The following SSBP3 variants were observed in gnomAD, a reference collection of about 807,000 sequenced individuals.
SSBP3 encodes the protein single stranded DNA binding protein 3.
A neutral mutation model predicts 69.6 loss-of-function variants in SSBP3; 5 were observed. That is an observed-to-expected ratio of 0.07 (90% CI 0.04 to 0.15). The LOEUF (loss-of-function observed/expected upper bound fraction) is 0.15. Among genes scored for constraint, SSBP3 ranks in the 10% least tolerant of loss-of-function variants. The probability of loss-of-function intolerance (pLI) is 1.00; values close to 1 mark genes in which losing one functional copy is unlikely to be tolerated. For synonymous variants in SSBP3, 196 were observed against 193.4 expected (o/e 1.01, Z -0.11); for missense variants, 312 against 534.0 (o/e 0.58, Z 4.10).
intron 4 of SSBP3, among the ~76,000 whole-genome samples, chr1:54,315,527 G>C (rs889106362): frequency 6.6e-6 from 1 of 150,528 alleles, no homozygotes; most frequent in African/African-American, 2.4e-5. Context: ...TCCAGTGCAA[G>C]TTAAAATGCA....
chr1:54,251,082 C>T (rs1322522720), intron 9 of SSBP3, among the ~76,000 whole-genome samples: 2 of 152,178 alleles, frequency 1.3e-5, no homozygotes, highest in East Asian at 1.9e-4. Flanking sequence ...ACCAGAGAAT[C>T]GCGGACACAG....
intron 4 of SSBP3, among the ~76,000 whole-genome samples, chr1:54,369,858 G>GA (rs1044811676): frequency 2.4e-4 from 36 of 152,084 alleles, no homozygotes; most frequent in South Asian, 2.1e-4. Flanking sequence ...CGGTATCCTG[G>GA]GCACAACATT....
upstream of SSBP3, among the ~76,000 whole-genome samples, chr1:54,407,627 T>G (rs1186565093): frequency 6.6e-6 from 1 of 151,978 alleles, no homozygotes; most frequent in Non-Finnish European, 1.5e-5. Flanking sequence ...TCTTTAAATG[T>G]GATAAAACAC....
At chr1:54,398,594 AAC>A (rs1382959630) in intron 4 of SSBP3, among the ~76,000 whole-genome samples, 2 of 152,188 alleles carry the variant, frequency 1.3e-5, no homozygotes, top group Non-Finnish European at 2.9e-5. Context: ...GGACCCAGAC[AAC>A]AGTGTCTAAG....
chr1:54,281,593 C>G, intron 4 of SSBP3, 66 bp from the exon 5 acceptor site: 2 of 1,443,036 alleles, frequency 1.4e-6, no homozygotes, highest in Non-Finnish European at 9.5e-7. Context: ...AGTTCTGACC[C>G]CTGGACTTGG....
chr1:54,316,701 TAAATAAATAAAATA>T (rs1394988994), intron 4 of SSBP3, among the ~76,000 whole-genome samples: 26 of 111,884 alleles, frequency 2.3e-4, no homozygotes, highest in East Asian at 8.3e-4. Flanking sequence ...AATAAATAAA[TAAATAAATAAAATA>T]AAATAAAATA....
At chr1:54,280,552 TTCTCAAACTCAGCTGCCGACAG>T (rs572059946) in intron 5 of SSBP3, among the ~76,000 whole-genome samples, 262 of 150,550 alleles carry the variant, frequency 1.7e-3, no homozygotes, top group Middle Eastern at 6.8e-3. Flanking sequence ...CTCGGGCGGA[TTCTCAAACTCAGCTGCCGACAG>T]GCTTGAAAGA....
intron 5 of SSBP3, among the ~76,000 whole-genome samples, chr1:54,274,693 G>A (rs929642251): frequency 2.0e-5 from 3 of 152,202 alleles, no homozygotes; most frequent in Non-Finnish European, 4.4e-5. Flanking sequence ...GACCGCAGCT[G>A]GACTCCACAC....
chr1:54,380,804 G>C (rs911596207), intron 4 of SSBP3, among the ~76,000 whole-genome samples: 4 of 152,146 alleles, frequency 2.6e-5, no homozygotes, highest in African/African-American at 9.7e-5. Flanking sequence ...GACAGAGTGT[G>C]GGCACCTGAA....
At chr1:54,282,413 T>C (rs1290839888) in intron 4 of SSBP3, among the ~76,000 whole-genome samples, 1 of 152,254 alleles carries the variant, frequency 6.6e-6, no homozygotes, top group Non-Finnish European at 1.5e-5. Flanking sequence ...TGCAGGGTCC[T>C]AGGTGTCTCA....
chr1:54,260,170 A>G (rs1336967392), intron 5 of SSBP3, among the ~76,000 whole-genome samples: 2 of 152,358 alleles, frequency 1.3e-5, no homozygotes, highest in East Asian at 1.9e-4. Context: ...ACAAAACAAG[A>G]TAATTTGAAG....
chr1:54,336,174 AC>A (rs1237880597), intron 4 of SSBP3, among the ~76,000 whole-genome samples: 1 of 152,162 alleles, frequency 6.6e-6, no homozygotes, highest in Admixed American at 6.5e-5. Context: ...AACTTCTTAA[AC>A]TTCTAACTAT....
intron 4 of SSBP3, among the ~76,000 whole-genome samples, chr1:54,386,533 G>A (rs1004440782): frequency 1.3e-5 from 2 of 151,880 alleles, no homozygotes; most frequent in African/African-American, 2.4e-5. Flanking sequence ...CTCATATCCC[G>A]TATTCCAGTG....
At chr1:54,344,836 A>G (rs528949360) in intron 4 of SSBP3, among the ~76,000 whole-genome samples, 5 of 152,312 alleles carry the variant, frequency 3.3e-5, no homozygotes, top group Non-Finnish European at 5.9e-5. Flanking sequence ...ATACAGCAAG[A>G]CATTGTCTCA....
At chr1:54,386,009 T>C (rs1216357411) in intron 4 of SSBP3, among the ~76,000 whole-genome samples, 2 of 152,222 alleles carry the variant, frequency 1.3e-5, no homozygotes, top group South Asian at 2.1e-4. Flanking sequence ...AAATATTGCA[T>C]GTTGAAAGCT....
At chr1:54,274,218 G>T (rs1015101416) in intron 5 of SSBP3, among the ~76,000 whole-genome samples, 2 of 152,160 alleles carry the variant, frequency 1.3e-5, no homozygotes, top group Non-Finnish European at 2.9e-5. Context: ...AAGAAGCTGC[G>T]GATCCCACCG....
chr1:54,390,386 A>G (rs1648398340), intron 4 of SSBP3, among the ~76,000 whole-genome samples: 1 of 152,066 alleles, frequency 6.6e-6, no homozygotes, highest in African/African-American at 2.4e-5. Flanking sequence ...ATTTCCTCCT[A>G]GTCTCTTCTC....
chr1:54,410,735 G>A (rs76773399), upstream of SSBP3, among the ~76,000 whole-genome samples: 4,249 of 152,256 alleles, frequency 0.028, 93 homozygotes, highest in East Asian at 0.043. Flanking sequence ...GAGCCTCACC[G>A]TCCTCTCTGT....
intron 5 of SSBP3, among the ~76,000 whole-genome samples, chr1:54,268,732 C>T (rs918234764): frequency 2.0e-5 from 3 of 152,220 alleles, no homozygotes; most frequent in Non-Finnish European, 2.9e-5. Flanking sequence ...TTCCTCCTTC[C>T]TCTGTTAAGA....
Sources: gnomAD v4.1 joint callset for allele counts (sites outside exome capture counted in the v4.1 genomes callset) on GRCh38, gnomAD v4.1.1 for gene constraint, MANE v1.5 for transcripts, NCBI Gene and HGNC (gene_info 2026-07-23, HGNC 2026-07-21) for gene names.